GUCY1A1: variants seen among roughly 807,000 people sequenced by gnomAD.
GUCY1A1 encodes the protein guanylate cyclase soluble subunit alpha-1.
A neutral mutation model predicts 64.5 loss-of-function variants in GUCY1A1; 48 were observed. The observed-to-expected ratio is 0.74, with a 90% CI of 0.59 to 0.95. The LOEUF is 0.95. GUCY1A1 is among the 40% of genes least tolerant of loss of function. The probability of loss-of-function intolerance (pLI) is 0.00; values close to 1 mark genes in which losing one functional copy is unlikely to be tolerated. For missense variants in GUCY1A1, 804 were observed against 825.3 expected (o/e 0.97, Z 0.32); for synonymous variants, 308 against 303.4 (o/e 1.02, Z -0.16).
At chr4:155,708,103 CTGGG>C (rs1386051213) in intron 4 of GUCY1A1, 129 bp from the exon 5 acceptor site, 42 of 509,940 alleles carry the variant, frequency 8.2e-5, no homozygotes, top group Non-Finnish European at 1.5e-4. Flanking sequence ...TCCCAAAGTG[CTGGG>C]ATTACAGGCG....
At chr4:155,688,191 G>A (rs1308302512) in intron 2 of GUCY1A1, among the ~76,000 whole-genome samples, 1 of 151,680 alleles carries the variant, frequency 6.6e-6, no homozygotes, top group Non-Finnish European at 1.5e-5. Context: ...TCGCACCACT[G>A]CACTCCAGCC....
intron 2 of GUCY1A1, among the ~76,000 whole-genome samples, chr4:155,685,983 A>G (rs1728952748): frequency 6.6e-6 from 1 of 152,150 alleles, no homozygotes; most frequent in Non-Finnish European, 1.5e-5. Flanking sequence ...CAGAAAGGTA[A>G]TTCAAGTGTT....
chr4:155,707,743 A>G (rs1427587013), intron 4 of GUCY1A1, among the ~76,000 whole-genome samples: 1 of 152,024 alleles, frequency 6.6e-6, no homozygotes, highest in Non-Finnish European at 1.5e-5. Flanking sequence ...ATTGTTCTGG[A>G]TGGTATATGT....
chr4:155,720,337 TTCTA>T (rs59667368), intron 8 of GUCY1A1, among the ~76,000 whole-genome samples: 21,637 of 149,766 alleles, frequency 0.14, 1,811 homozygotes, highest in African/African-American at 0.24. Flanking sequence ...AAGAGCTTTA[TTCTA>T]TCTATCTATC....
At chr4:155,701,414 T>C (rs1416639098) in intron 3 of GUCY1A1, among the ~76,000 whole-genome samples, 1 of 152,090 alleles carries the variant, frequency 6.6e-6, no homozygotes, top group Non-Finnish European at 1.5e-5. Context: ...CCTCTTACAA[T>C]GATAGTGTAT....
chr4:155,726,626 A>T (rs1734710733), intron 9 of GUCY1A1, among the ~76,000 whole-genome samples: 1 of 151,982 alleles, frequency 6.6e-6, no homozygotes, highest in African/African-American at 2.4e-5. Context: ...CACAGAATAC[A>T]TACCTATACC....
intron 2 of GUCY1A1, among the ~76,000 whole-genome samples, chr4:155,692,550 C>T (rs1729884549): frequency 6.6e-6 from 1 of 152,150 alleles, no homozygotes; most frequent in South Asian, 2.1e-4. Context: ...CTCTAATGAG[C>T]AGTGATGTTG....
At chr4:155,684,089 A>T (rs764120329) in intron 2 of GUCY1A1, among the ~76,000 whole-genome samples, 1 of 152,114 alleles carries the variant, frequency 6.6e-6, no homozygotes, top group African/African-American at 2.4e-5. Context: ...TATGCAAATG[A>T]CTCTGTCTTT....
At chr4:155,718,022 G>A (rs3796585) in intron 8 of GUCY1A1, among the ~76,000 whole-genome samples, 60,242 of 152,008 alleles carry the variant, frequency 0.4, 12,170 homozygotes, top group African/African-American at 0.47. Flanking sequence ...TCCAAGGCAC[G>A]TGACATTTCA....
chr4:155,717,051 G>T, intron 7 of GUCY1A1, 108 bp from the exon 8 acceptor site: 1 of 762,546 alleles, frequency 1.3e-6, no homozygotes, highest in Non-Finnish European at 2.0e-6. Flanking sequence ...TCCTCCAGAA[G>T]GCCTGAGCAA....
At chr4:155,727,782 T>A (rs909080830) in intron 9 of GUCY1A1, among the ~76,000 whole-genome samples, 1 of 149,770 alleles carries the variant, frequency 6.7e-6, no homozygotes. Flanking sequence ...AAATAAAATG[T>A]AAAGTAAATA....
At position 155,730,605 on chromosome 4, in the gene GUCY1A1, G is replaced by T. The variant is rs565503748; in HGVS notation, c.*374G>T. ...TGGAATGCCATGGTTATTAAAGTGT[G>T]TTTGTGATAGTGTCGTCAAAAAAAA... is the stretch of plus-strand genomic sequence containing the variant. On this transcript the variant is annotated 3_prime_UTR_variant, in exon 10 of 10. Coordinates refer to ENST00000506455, the MANE Select transcript of GUCY1A1 (RefSeq NM_001130682.3). 7.3e-4 allele frequency: 115 copies of T among 158,592 alleles called. No homozygotes were observed. The highest frequency in any genetic ancestry group is 1.3e-3 in the Non-Finnish European group (96 of 71,618). 9.8% of individuals were successfully genotyped at this position (158,592 alleles called of 1,614,324 possible).
At chr4:155,670,775 A>C (rs953169594) in intron 2 of GUCY1A1, among the ~76,000 whole-genome samples, 2 of 152,154 alleles carry the variant, frequency 1.3e-5, no homozygotes, top group African/African-American at 4.8e-5. Context: ...CAAATCCTCC[A>C]TTTTAAAAAT....
intron 9 of GUCY1A1, among the ~76,000 whole-genome samples, chr4:155,729,580 C>G (rs188427746): frequency 1.3e-5 from 2 of 151,734 alleles, no homozygotes; most frequent in Admixed American, 1.3e-4. Context: ...TTTTGGTTCA[C>G]TATTTCTTGC....
chr4:155,721,520 G>A (rs1733955048), intron 8 of GUCY1A1, among the ~76,000 whole-genome samples: 2 of 152,058 alleles, frequency 1.3e-5, no homozygotes, highest in Admixed American at 1.3e-4. Flanking sequence ...CATTTCCTCA[G>A]TTGTAAGTCA....
At position 155,734,822 on chromosome 4, in the gene GUCY1A1, T is replaced by C. The variant is rs906658089; in HGVS notation, c.*4591T>C. ...ACCAAAATGTCATTTTCAACCAAAA[T>C]TGAGTGTTAGAGTTTATGGTCTCTG... On this transcript the variant is annotated 3_prime_UTR_variant, in exon 10 of 10. Transcript: ENST00000506455. 3 of 151,892 alleles carry C rather than the reference T, an allele frequency of 2.0e-5. No individual in the cohort carries two copies. Among genetic ancestry groups the C allele is most frequent in the African/African-American group, 7.2e-5 (3 of 41,388 alleles). 9.4% of individuals were successfully genotyped at this position (151,892 alleles called of 1,614,324 possible).
intron 2 of GUCY1A1, among the ~76,000 whole-genome samples, chr4:155,678,676 C>G (rs999603215): frequency 6.6e-6 from 1 of 152,178 alleles, no homozygotes; most frequent in Non-Finnish European, 1.5e-5. Flanking sequence ...CTATGGTAAC[C>G]TTTCTGCCCA....
intron 9 of GUCY1A1, 62 bp from the exon 10 acceptor site, chr4:155,729,968 T>C (rs1386887863): frequency 5.2e-5 from 51 of 976,604 alleles, no homozygotes; most frequent in Non-Finnish European, 7.7e-5. Context: ...CAGTTAGTTA[T>C]GTTGTGTTCT....
chr4:155,731,164 C>T lies in GUCY1A1; in HGVS notation c.*933C>T, dbSNP rs927143595. The T allele has an allele frequency of 2.0e-5, 3 of 152,102 alleles. No individual in the cohort carries two copies. Among genetic ancestry groups the T allele is most frequent in the Non-Finnish European group, 4.4e-5 (3 of 67,868 alleles). The allele number at this position is 152,102 out of a possible 1,614,324, so 9.4% of individuals were successfully genotyped here. On this transcript the variant is annotated 3_prime_UTR_variant, in exon 10 of 10. Transcript: ENST00000506455. ...TAAAACATTTACACACGTAAACACA[C>T]GTGCAGGCACACTTGGAACAATATG...
Sources: allele counts gnomAD v4.1 joint callset (sites outside exome capture counted in the v4.1 genomes callset), GRCh38; gene constraint gnomAD v4.1.1; transcripts MANE v1.5; gene names NCBI Gene and HGNC (gene_info 2026-07-23, HGNC 2026-07-21).